The following PHLPP1 variants were observed in gnomAD, a reference collection of about 807,000 sequenced individuals.
PHLPP1 encodes the protein PH domain leucine-rich repeat-containing protein phosphatase 1.
Under a neutral mutation model 117.2 loss-of-function variants are expected in PHLPP1, and 42 were observed. The observed-to-expected ratio is 0.36, with a 90% CI of 0.28 to 0.46. The LOEUF (loss-of-function observed/expected upper bound fraction) is 0.46, where lower values mean the gene tolerates loss of function less well. Ranked by LOEUF, PHLPP1 falls within the 20% of genes least tolerant of loss-of-function variation. PHLPP1 has a pLI of 1.00. For synonymous variants in PHLPP1, 1,042 were observed against 970.7 expected (o/e 1.07, Z -1.37); for missense variants, 2,084 against 2,241.9 (o/e 0.93, Z 1.42).
chr18:62,822,171 A>G (rs1914477637), intron 1 of PHLPP1, among the ~76,000 whole-genome samples: 1 of 152,104 alleles, frequency 6.6e-6, no homozygotes, highest in African/African-American at 2.4e-5. Context: ...GAACTCCAAT[A>G]TCCCTTTCTG....
chr18:62,942,379 G>T (rs1055196472), intron 11 of PHLPP1, among the ~76,000 whole-genome samples: 6 of 151,952 alleles, frequency 3.9e-5, no homozygotes, highest in Admixed American at 3.9e-4. Flanking sequence ...AAATAATAAA[G>T]TTTCCAAAAA....
At chr18:62,939,501 G>A (rs1401477106) in intron 10 of PHLPP1, among the ~76,000 whole-genome samples, 2 of 152,184 alleles carry the variant, frequency 1.3e-5, no homozygotes, top group African/African-American at 4.8e-5. Context: ...AAACAACTAT[G>A]TTGCTGAAAC....
chr18:62,793,518 C>T lies in PHLPP1; in HGVS notation c.1577-36517C>T, dbSNP rs188746238. 1.4e-4 allele frequency among the ~76,000 whole-genome samples: 21 copies of T among 152,312 alleles called. No individual in the cohort carries two copies. In the East Asian group the frequency reaches 3.7e-3, roughly 27 times the overall value. The stretch of plus-strand genomic sequence containing the variant: ...TCCAGACAGTCAGCCTGCTCCTTAG[C>T]TCTTCCATAGTAACAACCATAACCT... On this transcript the variant is annotated intron_variant, in intron 1 of 16. Transcript: ENST00000262719.
At chr18:62,962,407 A>T (rs1160467348) in intron 13 of PHLPP1, among the ~76,000 whole-genome samples, 3 of 152,158 alleles carry the variant, frequency 2.0e-5, no homozygotes, top group Admixed American at 2.0e-4. Flanking sequence ...TCCCGAGTTC[A>T]AGTGATCCTC....
intron 8 of PHLPP1, among the ~76,000 whole-genome samples, chr18:62,913,292 A>G (rs1427368270): frequency 6.6e-6 from 1 of 152,146 alleles, no homozygotes; most frequent in Non-Finnish European, 1.5e-5. Context: ...TGTTTTAGAT[A>G]TTAACAATTA....
At chr18:62,787,824 G>A (rs150350112) in intron 1 of PHLPP1, among the ~76,000 whole-genome samples, 36 of 152,308 alleles carry the variant, frequency 2.4e-4, no homozygotes, top group Non-Finnish European at 4.4e-4. Flanking sequence ...GTGCATACTA[G>A]TGGGGGATCC....
intron 12 of PHLPP1, among the ~76,000 whole-genome samples, chr18:62,957,294 G>A (rs903717799): frequency 6.6e-6 from 1 of 152,152 alleles, no homozygotes; most frequent in Admixed American, 6.5e-5. Context: ...CATCAGTTTT[G>A]TGAGAAAGGA....
chr18:62,827,674 A>G (rs1914646380), intron 1 of PHLPP1, among the ~76,000 whole-genome samples: 1 of 152,204 alleles, frequency 6.6e-6, no homozygotes, highest in Non-Finnish European at 1.5e-5. Flanking sequence ...GGGTTTTCCA[A>G]GGACAGGCTG....
intron 2 of PHLPP1, among the ~76,000 whole-genome samples, chr18:62,833,876 G>T (rs1271400441): frequency 6.6e-6 from 1 of 152,122 alleles, no homozygotes; most frequent in Non-Finnish European, 1.5e-5. Context: ...ATGCCTCCTG[G>T]TATGCAAGTA....
chr18:62,974,768 A>G (rs537383255), intron 15 of PHLPP1, among the ~76,000 whole-genome samples: 2 of 152,288 alleles, frequency 1.3e-5, no homozygotes, highest in East Asian at 3.9e-4. Flanking sequence ...AGCACTTGGT[A>G]TTTGATTACT....
intron 6 of PHLPP1, among the ~76,000 whole-genome samples, chr18:62,897,748 C>G (rs1237608699): frequency 1.3e-5 from 2 of 152,162 alleles, no homozygotes; most frequent in East Asian, 3.9e-4. Flanking sequence ...CTCAAGTGAT[C>G]CACCTGCCTC....
At chr18:62,839,626 C>T (rs1007394048) in intron 3 of PHLPP1, 3 of 150,308 alleles carry the variant, frequency 2.0e-5, no homozygotes, top group Non-Finnish European at 4.4e-5. Flanking sequence ...GGCTGAGGCA[C>T]GAAAATTGCG....
chr18:62,928,521 G>T (rs546765742), intron 10 of PHLPP1, among the ~76,000 whole-genome samples: 34 of 152,238 alleles, frequency 2.2e-4, no homozygotes, highest in African/African-American at 7.9e-4. Flanking sequence ...ACAAATATTG[G>T]ACAAAATGGA....
intron 14 of PHLPP1, among the ~76,000 whole-genome samples, chr18:62,969,143 G>A (rs989800113): frequency 2.6e-5 from 4 of 152,120 alleles, no homozygotes; most frequent in Non-Finnish European, 5.9e-5. Flanking sequence ...CTGGCCTCAA[G>A]CAATCCTCCT....
intron 4 of PHLPP1, among the ~76,000 whole-genome samples, chr18:62,893,735 A>G (rs954261430): frequency 6.6e-6 from 1 of 152,070 alleles, no homozygotes; most frequent in Admixed American, 6.5e-5. Flanking sequence ...TATGATTCTT[A>G]TCTTACTTAG....
At chr18:62,776,539 G>A (rs1912961522) in intron 1 of PHLPP1, among the ~76,000 whole-genome samples, 1 of 151,326 alleles carries the variant, frequency 6.6e-6, no homozygotes, top group Non-Finnish European at 1.5e-5. Context: ...CTGCTCACTT[G>A]TACTCAGTAG....
intron 12 of PHLPP1, among the ~76,000 whole-genome samples, chr18:62,955,840 C>A (rs1195166272): frequency 2.0e-5 from 3 of 152,136 alleles, no homozygotes; most frequent in African/African-American, 7.2e-5. Context: ...TCCTAAATTA[C>A]TCACACTTAT....
At chr18:62,851,441 A>G (rs1430741820) in intron 3 of PHLPP1, among the ~76,000 whole-genome samples, 2 of 152,160 alleles carry the variant, frequency 1.3e-5, no homozygotes, top group Non-Finnish European at 1.5e-5. Flanking sequence ...TCTTGCCCTC[A>G]ACAGAATACC....
intron 16 of PHLPP1, among the ~76,000 whole-genome samples, chr18:62,977,896 G>A (rs966883655): frequency 6.6e-6 from 1 of 152,238 alleles, no homozygotes; most frequent in Non-Finnish European, 1.5e-5. Context: ...GAGGGAAGAT[G>A]TAAACCCATG....
Sources: allele counts gnomAD v4.1 joint callset (sites outside exome capture counted in the v4.1 genomes callset), GRCh38; gene constraint gnomAD v4.1.1; transcripts MANE v1.5; gene names NCBI Gene and HGNC (gene_info 2026-07-23, HGNC 2026-07-21).